TANC1: variants seen among roughly 807,000 people sequenced by gnomAD.
The protein encoded by TANC1 is protein TANC1.
TANC1 carries 77 observed loss-of-function variants against 149.7 expected under a neutral mutation model. The ratio of observed to expected loss-of-function variants is 0.51; its 90% CI spans 0.43 to 0.62. The LOEUF (loss-of-function observed/expected upper bound fraction) is 0.62, where lower values mean the gene tolerates loss of function less well. TANC1 is among the 20% of genes least tolerant of loss of function. The pLI is 0.00. For missense variants in TANC1, 1,985 were observed against 2,321.8 expected, an observed-to-expected ratio of 0.85 and a Z score of 2.98; for synonymous variants, 854 against 925.0, an observed-to-expected ratio of 0.92 and a Z score of 1.39.
At chr2:159,011,965 C>T (rs554455935) in intron 2 of TANC1, among the ~76,000 whole-genome samples, 1 of 152,062 alleles carries the variant, frequency 6.6e-6, no homozygotes, top group East Asian at 1.9e-4. Flanking sequence ...GACCCATCCC[C>T]AGTCTCTATT....
chr2:159,213,292 C>G (rs1304412551), intron 19 of TANC1, among the ~76,000 whole-genome samples: 3 of 152,024 alleles, frequency 2.0e-5, no homozygotes, highest in Admixed American at 6.5e-5. Flanking sequence ...ACGTTATCAT[C>G]GTGGCAGGAA....
At chr2:159,200,358 G>A (rs2058157159) in intron 19 of TANC1, among the ~76,000 whole-genome samples, 1 of 152,172 alleles carries the variant, frequency 6.6e-6, no homozygotes, top group South Asian at 2.1e-4. Context: ...GTCATTTCAG[G>A]TTACTCCTAG....
intron 11 of TANC1, among the ~76,000 whole-genome samples, chr2:159,174,745 C>T (rs2055653621): frequency 6.6e-6 from 1 of 152,090 alleles, no homozygotes; most frequent in African/African-American, 2.4e-5. Flanking sequence ...ATCAAGATGG[C>T]TTTGTGGATG....
intron 22 of TANC1, among the ~76,000 whole-genome samples, chr2:159,220,252 A>G (rs1159972983): frequency 6.6e-6 from 1 of 151,334 alleles, no homozygotes; most frequent in Non-Finnish European, 1.5e-5. Flanking sequence ...ATGGTAAGTG[A>G]CTAATCAAAT....
At chr2:159,172,566 G>A (rs2055377631) in intron 11 of TANC1, among the ~76,000 whole-genome samples, 1 of 152,200 alleles carries the variant, frequency 6.6e-6, no homozygotes, top group Non-Finnish European at 1.5e-5. Context: ...ATCTGCATGT[G>A]CTCTTCCTAA....
chr2:159,136,876 G>A (rs912645141), intron 5 of TANC1, among the ~76,000 whole-genome samples: 1 of 151,188 alleles, frequency 6.6e-6, no homozygotes, highest in East Asian at 1.9e-4. Context: ...AAATATGTGT[G>A]ACATTACAAA....
chr2:159,000,448 C>G (rs1353976935), intron 1 of TANC1, among the ~76,000 whole-genome samples: 3 of 151,910 alleles, frequency 2.0e-5, no homozygotes, highest in Non-Finnish European at 4.4e-5. Context: ...GGAGGAGGGC[C>G]TTTTAGAATA....
chr2:159,156,732 G>A (rs987582646), intron 7 of TANC1, among the ~76,000 whole-genome samples: 1 of 152,246 alleles, frequency 6.6e-6, no homozygotes, highest in African/African-American at 2.4e-5. Flanking sequence ...GACTGTGTGA[G>A]AAGCTCCAGT....
chr2:159,105,435 C>G (rs974879569), intron 4 of TANC1, among the ~76,000 whole-genome samples: 3 of 152,186 alleles, frequency 2.0e-5, no homozygotes, highest in Non-Finnish European at 2.9e-5. Flanking sequence ...GGTAATTACA[C>G]TCACGTTGTT....
chr2:159,083,821 A>G (rs1364439952), intron 3 of TANC1, among the ~76,000 whole-genome samples: 2 of 152,170 alleles, frequency 1.3e-5, no homozygotes, highest in African/African-American at 4.8e-5. Flanking sequence ...CATTGTTGCT[A>G]AGATATTTTA....
intron 1 of TANC1, among the ~76,000 whole-genome samples, chr2:158,994,644 G>A (rs748241447): frequency 2.8e-4 from 42 of 152,154 alleles, no homozygotes; most frequent in Non-Finnish European, 5.0e-4. Flanking sequence ...CTAGATGTTC[G>A]TGTCTCAATT....
chr2:159,158,360 G>A lies in TANC1; in HGVS notation c.683-4923G>A, dbSNP rs182283855. On this transcript the variant is annotated intron_variant, in intron 7 of 26. Transcript: ENST00000263635. ...GGGCAACAGAGCGAGACCCTGTCTC[G>A]AAACAAAAAAAAACCATGTAGAGCC... Among the ~76,000 whole-genome samples, 4 of 151,402 alleles carry A rather than the reference G, an allele frequency of 2.6e-5. 1 individual carries two copies. The East Asian group carries it at 7.7e-4, about 29-fold the overall frequency.
chr2:159,117,395 C>A (rs1473877812), intron 4 of TANC1, among the ~76,000 whole-genome samples: 1 of 151,446 alleles, frequency 6.6e-6, no homozygotes, highest in Non-Finnish European at 1.5e-5. Flanking sequence ...AAAGTCTGTA[C>A]TTTATTCCTT....
At chr2:159,166,833 G>C (rs1230161048) in intron 8 of TANC1, among the ~76,000 whole-genome samples, 2 of 152,188 alleles carry the variant, frequency 1.3e-5, no homozygotes, top group Admixed American at 1.3e-4. Flanking sequence ...GCTGGCAGGT[G>C]GTGGCTTATG....
intron 5 of TANC1, chr2:159,148,040 T>C (rs2052340000): frequency 6.6e-6 from 1 of 152,266 alleles, no homozygotes; most frequent in South Asian, 2.1e-4. Context: ...ACTGTGTTGT[T>C]TCCTCATTTT....
chr2:158,972,895 A>G (rs2033107458), intron 1 of TANC1, among the ~76,000 whole-genome samples: 1 of 152,164 alleles, frequency 6.6e-6, no homozygotes, highest in South Asian at 2.1e-4. Flanking sequence ...GTTTTTAATA[A>G]TATTATCAGG....
At chr2:159,150,019 T>A (rs2052601713) in intron 6 of TANC1, 1 of 194,352 alleles carries the variant, frequency 5.1e-6, no homozygotes, top group African/African-American at 2.4e-5. Flanking sequence ...ATAACCCATT[T>A]GTCTTCTGCA....
intron 18 of TANC1, among the ~76,000 whole-genome samples, chr2:159,197,968 G>C (rs1339724015): frequency 6.6e-6 from 1 of 152,148 alleles, no homozygotes; most frequent in East Asian, 1.9e-4. Flanking sequence ...CACACTATTG[G>C]GAGGTCAGCC....
intron 7 of TANC1, among the ~76,000 whole-genome samples, chr2:159,151,031 T>G (rs924744866): frequency 8.5e-5 from 13 of 152,168 alleles, no homozygotes; most frequent in African/African-American, 3.1e-4. Context: ...CAGAATTTTC[T>G]AAGGATGACC....
Sources: gnomAD v4.1 joint callset for allele counts (sites outside exome capture counted in the v4.1 genomes callset) on GRCh38, gnomAD v4.1.1 for gene constraint, MANE v1.5 for transcripts, NCBI Gene and HGNC (gene_info 2026-07-23, HGNC 2026-07-21) for gene names.